The following CSMD1 variants were observed in gnomAD, a reference collection of about 807,000 sequenced individuals.
CSMD1 encodes the protein CUB and Sushi multiple domains 1.
In CSMD1, 213 loss-of-function variants were observed where a neutral mutation model predicts 417.5. That is an observed-to-expected ratio of 0.51 (90% CI 0.46 to 0.57). The LOEUF (loss-of-function observed/expected upper bound fraction) is 0.57. CSMD1 is among the 20% of genes least tolerant of loss of function. CSMD1 has a pLI of 0.00. For missense variants in CSMD1, 6,923 were observed against 4,529.7 expected, an observed-to-expected ratio of 1.53 and a Z score of -15.17; for synonymous variants, 2,862 against 1,736.8, an observed-to-expected ratio of 1.65 and a Z score of -16.11.
chr8:4,878,358 T>C (rs974183299), intron 1 of CSMD1, among the ~76,000 whole-genome samples: 3 of 152,090 alleles, frequency 2.0e-5, no homozygotes, highest in Non-Finnish European at 4.4e-5. Context: ...AGTTGTGTCA[T>C]TTGATGGAAG....
intron 5 of CSMD1, among the ~76,000 whole-genome samples, chr8:3,880,304 T>G (rs1806124245): frequency 6.6e-6 from 1 of 152,180 alleles, no homozygotes; most frequent in Admixed American, 6.5e-5. Context: ...TAGATTACAT[T>G]TTTCAAAAAC....
At chr8:4,035,609 T>C (rs950870300) in intron 3 of CSMD1, among the ~76,000 whole-genome samples, 1 of 152,190 alleles carries the variant, frequency 6.6e-6, no homozygotes, top group African/African-American at 2.4e-5. Context: ...GAATACAGTT[T>C]AAAAAGTAAG....
intron 5 of CSMD1, among the ~76,000 whole-genome samples, chr8:3,767,786 T>A (rs1056672506): frequency 2.6e-5 from 4 of 152,206 alleles, no homozygotes; most frequent in Non-Finnish European, 4.4e-5. Flanking sequence ...AGTGCTCTCA[T>A]CTTCTCACGT....
At chr8:3,115,770 C>T (rs185500896) in intron 42 of CSMD1, among the ~76,000 whole-genome samples, 1 of 152,172 alleles carries the variant, frequency 6.6e-6, no homozygotes. Flanking sequence ...AAGACTGATG[C>T]CTTGGGATTT....
intron 3 of CSMD1, among the ~76,000 whole-genome samples, chr8:4,354,769 C>G (rs892572288): frequency 6.6e-6 from 1 of 151,698 alleles, no homozygotes; most frequent in Non-Finnish European, 1.5e-5. Flanking sequence ...ATAGATTTCC[C>G]CCCTCCCAGA....
chr8:3,478,649 C>T (rs898634731), intron 11 of CSMD1, among the ~76,000 whole-genome samples: 31 of 152,240 alleles, frequency 2.0e-4, no homozygotes, highest in Non-Finnish European at 3.7e-4. Flanking sequence ...CAGAAGGACC[C>T]CAGCAAGCCC....
At chr8:4,630,018 A>T (rs542613296) in intron 2 of CSMD1, among the ~76,000 whole-genome samples, 5 of 152,130 alleles carry the variant, frequency 3.3e-5, no homozygotes, top group South Asian at 2.1e-4. Context: ...CTCTGCCCAT[A>T]TTAGTATGGT....
At chr8:4,814,276 G>A (rs543748565) in intron 1 of CSMD1, among the ~76,000 whole-genome samples, 3 of 152,132 alleles carry the variant, frequency 2.0e-5, no homozygotes, top group Admixed American at 6.5e-5. Flanking sequence ...ATGGAGATTC[G>A]CTCTTAATGG....
chr8:4,983,268 A>C (rs1272709598), intron 1 of CSMD1, among the ~76,000 whole-genome samples: 1 of 152,252 alleles, frequency 6.6e-6, no homozygotes, highest in Non-Finnish European at 1.5e-5. Flanking sequence ...CACCTTCCCT[A>C]GGTCAACTCT....
chr8:4,675,804 T>A (rs1048693124), intron 1 of CSMD1, among the ~76,000 whole-genome samples: 1 of 152,300 alleles, frequency 6.6e-6, no homozygotes, highest in East Asian at 1.9e-4. Context: ...TCTGTTTTCT[T>A]TGAACGAAAG....
intron 25 of CSMD1, among the ~76,000 whole-genome samples, chr8:3,304,065 A>G (rs1291606822): frequency 6.6e-6 from 1 of 152,180 alleles, no homozygotes; most frequent in Non-Finnish European, 1.5e-5. Flanking sequence ...TAATTGGCCT[A>G]AAGTAAAATA....
At chr8:4,668,620 T>A (rs866726424) in intron 1 of CSMD1, among the ~76,000 whole-genome samples, 1 of 151,770 alleles carries the variant, frequency 6.6e-6, no homozygotes, top group Non-Finnish European at 1.5e-5. Context: ...TGGCTAATTT[T>A]TTTGCATTTT....
chr8:4,610,906 G>C (rs1207326165), intron 2 of CSMD1, among the ~76,000 whole-genome samples: 1 of 152,082 alleles, frequency 6.6e-6, no homozygotes, highest in East Asian at 1.9e-4. Flanking sequence ...TTGTCCATGA[G>C]GAGTTATAAT....
At chr8:3,697,315 C>T (rs1340466715) in intron 7 of CSMD1, among the ~76,000 whole-genome samples, 1 of 152,180 alleles carries the variant, frequency 6.6e-6, no homozygotes, top group South Asian at 2.1e-4. Context: ...TTTCTCCTTA[C>T]ACCTTTAAAA....
intron 3 of CSMD1, among the ~76,000 whole-genome samples, chr8:4,232,096 T>A (rs1340356601): frequency 6.6e-6 from 1 of 152,234 alleles, no homozygotes; most frequent in East Asian, 1.9e-4. Context: ...CTTGATCACA[T>A]TCATGCTTCT....
chr8:4,415,529 G>A (rs1488267275), intron 3 of CSMD1, among the ~76,000 whole-genome samples: 1 of 152,152 alleles, frequency 6.6e-6, no homozygotes, highest in African/African-American at 2.4e-5. Context: ...CTTCCGCCCT[G>A]TTTTATAAAG....
intron 1 of CSMD1, among the ~76,000 whole-genome samples, chr8:4,906,983 G>C (rs150825313): frequency 6.6e-6 from 1 of 152,072 alleles, no homozygotes; most frequent in East Asian, 1.9e-4. Context: ...TAGCACAATT[G>C]TACTTATTCA....
At chr8:3,442,636 C>G (rs1184143281) in intron 12 of CSMD1, among the ~76,000 whole-genome samples, 2 of 152,052 alleles carry the variant, frequency 1.3e-5, no homozygotes, top group Admixed American at 6.6e-5. Flanking sequence ...TGTAAGTGCA[C>G]TCCACGATGT....
intron 6 of CSMD1, among the ~76,000 whole-genome samples, chr8:3,750,626 CAA>C (rs1004880282): frequency 1.1e-4 from 17 of 152,176 alleles, no homozygotes; most frequent in Non-Finnish European, 2.2e-4. Flanking sequence ...TCGGTATAGA[CAA>C]GAGGGAAGAT....
Sources: gnomAD v4.1 joint callset for allele counts (sites outside exome capture counted in the v4.1 genomes callset) on GRCh38, gnomAD v4.1.1 for gene constraint, MANE v1.5 for transcripts, NCBI Gene and HGNC (gene_info 2026-07-23, HGNC 2026-07-21) for gene names.